Variants in TRABD2B observed in about 807,000 individuals in gnomAD.
The protein encoded by TRABD2B is metalloprotease TIKI2.
TRABD2B carries 14 observed loss-of-function variants against 40.1 expected under a neutral mutation model. The observed-to-expected ratio is 0.35, with a 90% confidence interval of 0.23 to 0.55. The LOEUF (loss-of-function observed/expected upper bound fraction) is 0.55. TRABD2B is among the 20% of genes least tolerant of loss of function. TRABD2B has a pLI of 0.90. For missense variants in TRABD2B, 541 were observed against 648.6 expected, an observed-to-expected ratio of 0.83 and a Z score of 1.80; for synonymous variants, 263 against 277.0, an observed-to-expected ratio of 0.95 and a Z score of 0.50.
intron 3 of TRABD2B, among the ~76,000 whole-genome samples, chr1:47,800,838 A>C (rs1461178710): frequency 6.6e-6 from 1 of 152,166 alleles, no homozygotes; most frequent in Non-Finnish European, 1.5e-5. Flanking sequence ...ACAAGGTACA[A>C]TGGAAGAGTT....
At chr1:47,779,188 C>T (rs1245652206) in intron 4 of TRABD2B, among the ~76,000 whole-genome samples, 1 of 152,210 alleles carries the variant, frequency 6.6e-6, no homozygotes, top group Non-Finnish European at 1.5e-5. Context: ...CCACCTAGTA[C>T]CTGTGGAGAA....
At chr1:47,993,848 C>T (rs573613684) in intron 2 of TRABD2B, among the ~76,000 whole-genome samples, 186 bp downstream of exon 2, 51 of 152,328 alleles carry the variant, frequency 3.3e-4, no homozygotes, top group African/African-American at 1.1e-3. Context: ...TTCCAGTATA[C>T]GCCACTCTCA....
At position 47,954,217 on chromosome 1, in the gene TRABD2B, T is replaced by A. The variant is rs140115584; in HGVS notation, c.666+39817A>T. Among the ~76,000 whole-genome samples, 878 of 152,142 alleles carry A rather than the reference T, an allele frequency of 5.8e-3. 9 individuals carry two copies. The highest frequency in any genetic ancestry group is 0.019 in the African/African-American group (776 of 41,510). On this transcript the variant is annotated intron_variant, in intron 2 of 6. Transcript: ENST00000606738. Reference sequence around the variant, plus strand: ...TGGCAGCTGGAAGTGTGGGGTATGTTCCCCAAATTGGACTTCCTCCCCTAC... The same window carrying A: ...TGGCAGCTGGAAGTGTGGGGTATGTACCCCAAATTGGACTTCCTCCCCTAC...
chr1:47,859,516 G>A (rs1378969965), intron 2 of TRABD2B, among the ~76,000 whole-genome samples: 2 of 152,204 alleles, frequency 1.3e-5, no homozygotes, highest in East Asian at 3.9e-4. Flanking sequence ...GTTTTGACTT[G>A]TAGAGCTCTG....
At chr1:47,781,332 C>T (rs553942937) in intron 4 of TRABD2B, among the ~76,000 whole-genome samples, 160 of 152,334 alleles carry the variant, frequency 1.1e-3, no homozygotes, top group Middle Eastern at 0.01. Flanking sequence ...AGCCCTGCCT[C>T]GGGCTGTACA....
chr1:47,891,007 T>C (rs1322623257), intron 2 of TRABD2B, among the ~76,000 whole-genome samples: 2 of 147,200 alleles, frequency 1.4e-5, no homozygotes, highest in Non-Finnish European at 3.0e-5. Context: ...TTTGGAGTAG[T>C]TACCCAAGGA....
At chr1:47,901,536 C>T (rs1026543758) in intron 2 of TRABD2B, among the ~76,000 whole-genome samples, 5 of 152,202 alleles carry the variant, frequency 3.3e-5, no homozygotes, top group African/African-American at 1.2e-4. Flanking sequence ...TCCAGGCCAG[C>T]TGGTATTCAA....
intron 2 of TRABD2B, among the ~76,000 whole-genome samples, chr1:47,970,646 C>T (rs1292287377): frequency 6.6e-6 from 1 of 152,178 alleles, no homozygotes; most frequent in East Asian, 1.9e-4. Context: ...TTTTCACTTG[C>T]ACGTCTGTGG....
intron 2 of TRABD2B, among the ~76,000 whole-genome samples, chr1:47,879,813 C>T: frequency 6.6e-6 from 1 of 150,482 alleles, no homozygotes; most frequent in Non-Finnish European, 1.5e-5. Context: ...CCCCAGAGTC[C>T]AAATGGTTGA....
chr1:47,811,737 C>T (rs1291831278), intron 2 of TRABD2B, among the ~76,000 whole-genome samples: 1 of 152,142 alleles, frequency 6.6e-6, no homozygotes, highest in Non-Finnish European at 1.5e-5. Context: ...CAGCTAAGTC[C>T]AAGGGCGCTC....
At chr1:47,830,534 G>C (rs1321720741) in intron 2 of TRABD2B, among the ~76,000 whole-genome samples, 1 of 152,188 alleles carries the variant, frequency 6.6e-6, no homozygotes, top group South Asian at 2.1e-4. Flanking sequence ...CCTAACAAAA[G>C]GGATGTGCCC....
At chr1:47,938,031 A>G (rs1645137006) in intron 2 of TRABD2B, among the ~76,000 whole-genome samples, 1 of 152,188 alleles carries the variant, frequency 6.6e-6, no homozygotes, top group Non-Finnish European at 1.5e-5. Flanking sequence ...CTCATGATAT[A>G]TTTTGCCAGC....
intron 2 of TRABD2B, among the ~76,000 whole-genome samples, chr1:47,870,027 T>C (rs1342554218): frequency 6.6e-6 from 1 of 152,168 alleles, no homozygotes; most frequent in Non-Finnish European, 1.5e-5. Flanking sequence ...TCCCAAGAGC[T>C]GGACTGAAGA....
intron 2 of TRABD2B, among the ~76,000 whole-genome samples, chr1:47,908,201 A>G (rs1644704066): frequency 1.3e-5 from 2 of 152,198 alleles, no homozygotes; most frequent in African/African-American, 4.8e-5. Flanking sequence ...ATAACTATGT[A>G]TTCATCTATA....
At chr1:47,920,757 G>A (rs1266891725) in intron 2 of TRABD2B, among the ~76,000 whole-genome samples, 1 of 152,238 alleles carries the variant, frequency 6.6e-6, no homozygotes, top group Non-Finnish European at 1.5e-5. Context: ...CTACAGTGCT[G>A]AGCACAGGGT....
At chr1:47,946,751 G>T (rs1257398300) in intron 2 of TRABD2B, among the ~76,000 whole-genome samples, 4 of 152,140 alleles carry the variant, frequency 2.6e-5, no homozygotes, top group Non-Finnish European at 4.4e-5. Context: ...GCCTTATAAA[G>T]CTGGGAAGTG....
chr1:47,837,669 A>G (rs1163597247), intron 2 of TRABD2B, among the ~76,000 whole-genome samples: 1 of 152,178 alleles, frequency 6.6e-6, no homozygotes, highest in African/African-American at 2.4e-5. Flanking sequence ...TGCACATTCC[A>G]TGGCCCGAGT....
chr1:47,988,323 T>G (rs1028540486), intron 2 of TRABD2B, among the ~76,000 whole-genome samples: 1 of 152,108 alleles, frequency 6.6e-6, no homozygotes, highest in African/African-American at 2.4e-5. Context: ...GGACTAATAA[T>G]ACCCACCTCT....
chr1:47,994,626 T>C lies in TRABD2B; in HGVS notation c.103-29A>G. On this transcript the variant is annotated intron_variant, in intron 1 of 6. Transcript: ENST00000606738. This position sits in a 1 kb window ranked among gnomAD's most constrained non-coding sequence, Gnocchi z 6.7. Reference sequence around the variant, plus strand: ...CAGGAGTAGAGAAGAGGCAAGGCAGTGAGGCCGAAGGCAACAGAGTAGAGT... The same window carrying C: ...CAGGAGTAGAGAAGAGGCAAGGCAGCGAGGCCGAAGGCAACAGAGTAGAGT... 1 of 1,518,768 alleles carries C rather than the reference T, an allele frequency of 6.6e-7. No individual in the cohort carries two copies. Among genetic ancestry groups the C allele is most frequent in the East Asian group, 2.5e-5 (1 of 40,768 alleles). The allele number at this position is 1,518,768 out of a possible 1,614,324, so 94.1% of individuals were successfully genotyped here.
Sources: gnomAD v4.1 joint callset for allele counts (sites outside exome capture counted in the v4.1 genomes callset) on GRCh38, gnomAD v4.1.1 for gene constraint, Gnocchi (gnomAD v3.1) non-coding constraint, MANE v1.5 for transcripts, NCBI Gene and HGNC (gene_info 2026-07-23, HGNC 2026-07-21) for gene names.